Variants in RPS6KA2 observed in about 807,000 individuals in gnomAD.
RPS6KA2 encodes the protein ribosomal protein S6 kinase A2.
A neutral mutation model predicts 91.8 loss-of-function variants in RPS6KA2; 42 were observed. The observed-to-expected ratio is 0.46, with a 90% CI of 0.36 to 0.59. RPS6KA2 has a LOEUF of 0.59. Ranked by LOEUF, RPS6KA2 falls within the 20% of genes least tolerant of loss-of-function variation. The probability of loss-of-function intolerance (pLI) is 0.00; values close to 1 mark genes in which losing one functional copy is unlikely to be tolerated. For missense variants in RPS6KA2, 798 were observed against 978.5 expected (o/e 0.82, Z 2.46); for synonymous variants, 414 against 393.6 (o/e 1.05, Z -0.61).
chr6:166,851,189 G>T (rs1780731564), intron 2 of RPS6KA2, among the ~76,000 whole-genome samples: 1 of 152,170 alleles, frequency 6.6e-6, no homozygotes, highest in Non-Finnish European at 1.5e-5. Context: ...ATCAAGAGTT[G>T]GGTTGTTATT....
At chr6:166,511,294 C>T (rs1050057040) in intron 3 of RPS6KA2, among the ~76,000 whole-genome samples, 1 of 152,156 alleles carries the variant, frequency 6.6e-6, no homozygotes, top group Non-Finnish European at 1.5e-5. Context: ...TACGTGATCC[C>T]TGCCTGAATC....
At chr6:166,458,099 C>T (rs1780160551) in intron 12 of RPS6KA2, among the ~76,000 whole-genome samples, 1 of 152,140 alleles carries the variant, frequency 6.6e-6, no homozygotes, top group Non-Finnish European at 1.5e-5. Flanking sequence ...AATGTTAAGG[C>T]CCTACCCCCA....
intron 14 of RPS6KA2, among the ~76,000 whole-genome samples, chr6:166,436,190 C>T (rs1183133137): frequency 1.3e-5 from 2 of 152,066 alleles, no homozygotes; most frequent in Non-Finnish European, 2.9e-5. Context: ...TGTGACCTGC[C>T]ACGTTTACAG....
intron 19 of RPS6KA2, among the ~76,000 whole-genome samples, chr6:166,417,674 C>A (rs1049992868): frequency 6.6e-6 from 1 of 151,898 alleles, no homozygotes. Flanking sequence ...CTGTTTGTTT[C>A]TTTGGAGAAC....
At chr6:166,516,670 A>T (rs1782652472) in intron 3 of RPS6KA2, among the ~76,000 whole-genome samples, 1 of 152,246 alleles carries the variant, frequency 6.6e-6, no homozygotes, top group South Asian at 2.1e-4. Flanking sequence ...CATGAGATGC[A>T]TGTGGCCAGG....
intron 1 of RPS6KA2, among the ~76,000 whole-genome samples, chr6:166,546,070 T>C (rs1374584899): frequency 6.6e-6 from 1 of 152,128 alleles, no homozygotes; most frequent in East Asian, 1.9e-4. Flanking sequence ...GACACGGTGT[T>C]TTAGGTATGG....
chr6:166,681,319 C>T (rs1200767566), intron 2 of RPS6KA2, among the ~76,000 whole-genome samples: 2 of 152,180 alleles, frequency 1.3e-5, no homozygotes, highest in Admixed American at 1.3e-4. Flanking sequence ...ACAAATGATG[C>T]TTATTTCCCA....
intron 2 of RPS6KA2, among the ~76,000 whole-genome samples, chr6:166,709,618 T>C (rs1424698621): frequency 6.6e-6 from 1 of 152,246 alleles, no homozygotes; most frequent in Non-Finnish European, 1.5e-5. Context: ...AAGATCCTGA[T>C]GTGCAGATGG....
chr6:166,460,997 C>T (rs1414826217), intron 11 of RPS6KA2, among the ~76,000 whole-genome samples: 4 of 152,110 alleles, frequency 2.6e-5, no homozygotes, highest in African/African-American at 4.8e-5. Flanking sequence ...TCTGCTTATC[C>T]GGGAGCACCT....
chr6:166,484,234 T>TA (rs113351974), intron 10 of RPS6KA2, among the ~76,000 whole-genome samples: 9 of 152,248 alleles, frequency 5.9e-5, no homozygotes, highest in African/African-American at 1.7e-4. Flanking sequence ...CAATTCACTT[T>TA]AGTTCATGCA....
chr6:166,678,841 C>T (rs11966647), intron 2 of RPS6KA2, among the ~76,000 whole-genome samples: 30,130 of 152,090 alleles, frequency 0.2, 4,243 homozygotes, highest in African/African-American at 0.4. Flanking sequence ...GGCTCTCAAC[C>T]GCAAAGCAGG....
chr6:166,848,459 T>A (rs1283231156), intron 2 of RPS6KA2, among the ~76,000 whole-genome samples: 1 of 152,178 alleles, frequency 6.6e-6, no homozygotes, highest in East Asian at 1.9e-4. Context: ...CGCACATGCA[T>A]GTTTATAGTA....
intron 2 of RPS6KA2, among the ~76,000 whole-genome samples, chr6:166,842,448 C>T (rs967101345): frequency 2.6e-5 from 4 of 152,190 alleles, no homozygotes; most frequent in Admixed American, 6.5e-5. Flanking sequence ...GAGGTTGGGA[C>T]AAATTCTCCC....
intron 2 of RPS6KA2, among the ~76,000 whole-genome samples, chr6:166,688,562 G>A (rs1247931788): frequency 6.6e-6 from 1 of 152,230 alleles, no homozygotes; most frequent in African/African-American, 2.4e-5. Context: ...GGGTTTGGAG[G>A]ATGAAAGGGT....
At chr6:166,592,359 G>A (rs539184421) in intron 1 of RPS6KA2, among the ~76,000 whole-genome samples, 4 of 152,188 alleles carry the variant, frequency 2.6e-5, no homozygotes, top group Admixed American at 6.5e-5. Flanking sequence ...TGACAAGCCC[G>A]GCCTGTCCTC....
chr6:166,508,375 C>T lies in RPS6KA2; in HGVS notation c.380-93G>A. 1 of 812,948 alleles carries T rather than the reference C, an allele frequency of 1.2e-6. No homozygotes were observed. Among genetic ancestry groups the T allele is most frequent in the Admixed American group, 2.1e-5 (1 of 47,448 alleles). The allele number at this position is 812,948 out of a possible 1,614,324, so 50.4% of individuals were successfully genotyped here. A position where few individuals can be genotyped will look rare whatever the true frequency, so the allele number is the denominator to read the frequency against. Reference sequence around the variant, plus strand: ...TTCTCCCTGCTCACGGTGCTGCTTACTCCGGGAGGCTGAGTCACTTGAGAA... The same window carrying T: ...TTCTCCCTGCTCACGGTGCTGCTTATTCCGGGAGGCTGAGTCACTTGAGAA... On this transcript the variant is annotated intron_variant, in intron 4 of 20. Coordinates refer to ENST00000265678, the MANE Select transcript of RPS6KA2 (RefSeq NM_021135.6). This position sits in a 1 kb window ranked among gnomAD's most constrained non-coding sequence, Gnocchi z 4.3.
intron 10 of RPS6KA2, among the ~76,000 whole-genome samples, chr6:166,472,230 CTTG>C (rs1286784767): frequency 2.0e-5 from 3 of 152,216 alleles, no homozygotes; most frequent in Non-Finnish European, 4.4e-5. Flanking sequence ...GGTGTGGCAA[CTTG>C]TTGGCTGTAC....
At chr6:166,644,972 G>C (rs922041358) in intron 2 of RPS6KA2, among the ~76,000 whole-genome samples, 3 of 152,212 alleles carry the variant, frequency 2.0e-5, no homozygotes, top group Admixed American at 2.0e-4. Flanking sequence ...GGCAACACCA[G>C]AAGCTGGAAA....
chr6:166,767,540 A>T lies in RPS6KA2; in HGVS notation c.123+90660T>A, dbSNP rs1778346559. On this transcript the variant is annotated intron_variant, in intron 2 of 21. Coordinates refer to the RPS6KA2 transcript ENST00000503859. The surrounding 1 kb of genome is among the most constrained non-coding windows in gnomAD (Gnocchi z 4.6). Reference sequence around the variant, plus strand: ...CTGCTGTCACCCAGGAGCCCTTCAGACTGCGCTCCACTTGCCAGCAAGCCT... The same window carrying T: ...CTGCTGTCACCCAGGAGCCCTTCAGTCTGCGCTCCACTTGCCAGCAAGCCT... 6.6e-6 allele frequency among the ~76,000 whole-genome samples: 1 copy of T among 152,070 alleles called. No individual in the cohort carries two copies. Among genetic ancestry groups the T allele is most frequent in the Non-Finnish European group, 1.5e-5 (1 of 68,026 alleles).
Sources: gnomAD v4.1 joint callset for allele counts (sites outside exome capture counted in the v4.1 genomes callset) on GRCh38, gnomAD v4.1.1 for gene constraint, Gnocchi (gnomAD v3.1) non-coding constraint, MANE v1.5 for transcripts, NCBI Gene and HGNC (gene_info 2026-07-23, HGNC 2026-07-21) for gene names.